Variants in TBC1D5 observed in about 807,000 individuals in gnomAD.
The protein encoded by TBC1D5 is TBC1 domain family, member 5.
A neutral mutation model predicts 100.3 loss-of-function variants in TBC1D5; 75 were observed. The ratio of observed to expected loss-of-function variants is 0.75; its 90% confidence interval spans 0.62 to 0.91. The LOEUF (loss-of-function observed/expected upper bound fraction) is 0.91. Ranked by LOEUF, TBC1D5 falls within the 40% of genes least tolerant of loss-of-function variation. The probability of loss-of-function intolerance (pLI) is 0.00; values close to 1 mark genes in which losing one functional copy is unlikely to be tolerated. For missense variants in TBC1D5, 910 were observed against 942.4 expected (o/e 0.97, Z 0.45); for synonymous variants, 323 against 325.6 (o/e 0.99, Z 0.09).
chr3:17,301,043 G>A (rs987013814), intron 14 of TBC1D5, among the ~76,000 whole-genome samples: 1 of 148,510 alleles, frequency 6.7e-6, no homozygotes, highest in Non-Finnish European at 1.5e-5. Flanking sequence ...CACTCAGTCT[G>A]TGTAACAAGA....
intron 17 of TBC1D5, among the ~76,000 whole-genome samples, chr3:17,222,974 G>GA (rs999732187): frequency 9.9e-5 from 15 of 151,642 alleles, no homozygotes; most frequent in Admixed American, 8.5e-4. Flanking sequence ...CTTCCAAAAT[G>GA]AAAAAAACCA....
At position 17,704,553 on chromosome 3, in the gene TBC1D5, G is replaced by T. The variant is rs1577642775; in HGVS notation, c.-101+34790C>A. Among the ~76,000 whole-genome samples the T allele has an allele frequency of 2.7e-5, 2 of 74,908 alleles. 1 individual carries two copies. Among genetic ancestry groups the T allele is most frequent in the Non-Finnish European group, 5.4e-5 (2 of 37,282 alleles). The allele number at this position is 74,908 out of a possible 152,430, so 49.1% of individuals were successfully genotyped here. ...GGGGCGGCTGGCCGGGCGGGGGGCC[G>T]ACCCCCCCCACCTCCCTCCCGGACG... On this transcript the variant is annotated intron_variant, in intron 1 of 21. Transcript: ENST00000253692.
chr3:17,307,831 G>C (rs1305207012), intron 14 of TBC1D5, among the ~76,000 whole-genome samples, 161 bp downstream of exon 14: 5 of 152,106 alleles, frequency 3.3e-5, no homozygotes, highest in African/African-American at 1.2e-4. Context: ...CAACAAAAGG[G>C]ATGTTTAGTA....
intron 12 of TBC1D5, among the ~76,000 whole-genome samples, chr3:17,372,898 T>C (rs1401007657): frequency 6.6e-6 from 1 of 152,190 alleles, no homozygotes; most frequent in African/African-American, 2.4e-5. Flanking sequence ...TCACCTAGTG[T>C]AGGGGTCAGC....
chr3:17,402,650 G>A (rs186469229), intron 8 of TBC1D5, among the ~76,000 whole-genome samples: 1 of 152,168 alleles, frequency 6.6e-6, no homozygotes, highest in African/African-American at 2.4e-5. Context: ...TGACTCAGTC[G>A]AATATATCAA....
intron 13 of TBC1D5, among the ~76,000 whole-genome samples, chr3:17,308,542 C>A (rs1300196731): frequency 6.6e-6 from 1 of 152,116 alleles, no homozygotes; most frequent in Admixed American, 6.5e-5. Context: ...AATTGCCCTT[C>A]TGCAAATATT....
chr3:17,692,393 A>G (rs1247286294), intron 1 of TBC1D5, among the ~76,000 whole-genome samples: 2 of 152,194 alleles, frequency 1.3e-5, no homozygotes, highest in East Asian at 1.9e-4. Flanking sequence ...CACCCAGCCT[A>G]AAATTTTTAA....
chr3:17,269,932 TG>T (rs2079220429), intron 15 of TBC1D5, among the ~76,000 whole-genome samples: 1 of 152,182 alleles, frequency 6.6e-6, no homozygotes, highest in Non-Finnish European at 1.5e-5. Flanking sequence ...TATTTGCTGT[TG>T]TGAATAGGGC....
chr3:17,530,073 A>G (rs111411051), intron 2 of TBC1D5, among the ~76,000 whole-genome samples: 9,219 of 151,928 alleles, frequency 0.061, 543 homozygotes, highest in African/African-American at 0.15. Flanking sequence ...GTGAAATCCC[A>G]TCTCTACTAA....
intron 3 of TBC1D5, among the ~76,000 whole-genome samples, chr3:17,478,835 T>C (rs149604471): frequency 7.9e-5 from 12 of 152,276 alleles, no homozygotes; most frequent in Admixed American, 6.5e-4. Context: ...TGTAGCTTAC[T>C]GAATCTCCAG....
intron 2 of TBC1D5, chr3:17,546,921 A>G (rs2096422278): frequency 6.6e-6 from 1 of 152,234 alleles, no homozygotes; most frequent in South Asian, 2.1e-4. Flanking sequence ...GCTACTTTAT[A>G]CATAACATTC....
intron 1 of TBC1D5, among the ~76,000 whole-genome samples, chr3:17,649,619 T>C (rs943316269): frequency 6.6e-6 from 1 of 151,952 alleles, no homozygotes; most frequent in Non-Finnish European, 1.5e-5. Flanking sequence ...GTTAGAATGG[T>C]GATCATTAAA....
intron 1 of TBC1D5, among the ~76,000 whole-genome samples, chr3:17,735,389 T>C (rs1482435270): frequency 6.6e-6 from 1 of 152,140 alleles, no homozygotes; most frequent in Non-Finnish European, 1.5e-5. Flanking sequence ...AACAACAAAA[T>C]AGCTGAATCC....
chr3:17,518,042 CAGATGCAT>C (rs1301126273), intron 2 of TBC1D5, among the ~76,000 whole-genome samples: 2 of 152,124 alleles, frequency 1.3e-5, no homozygotes, highest in Non-Finnish European at 2.9e-5. Context: ...CATAAGACAG[CAGATGCAT>C]TACTTGTTAC....
At chr3:17,463,612 A>T (rs1432712736) in intron 3 of TBC1D5, among the ~76,000 whole-genome samples, 1 of 152,228 alleles carries the variant, frequency 6.6e-6, no homozygotes. Flanking sequence ...AAACTGAATG[A>T]TTCCAAAAGA....
intron 3 of TBC1D5, among the ~76,000 whole-genome samples, chr3:17,458,343 A>G (rs946327680): frequency 2.0e-5 from 3 of 152,170 alleles, no homozygotes; most frequent in Admixed American, 2.0e-4. Flanking sequence ...GACAAAATAT[A>G]GCTTTGTTCC....
At chr3:17,469,815 G>A (rs1158032121) in intron 3 of TBC1D5, among the ~76,000 whole-genome samples, 1 of 152,214 alleles carries the variant, frequency 6.6e-6, no homozygotes, top group African/African-American at 2.4e-5. Context: ...GTGGCCTAAT[G>A]TCAATGAATT....
intron 1 of TBC1D5, among the ~76,000 whole-genome samples, chr3:17,687,659 T>C (rs1476598647): frequency 6.6e-6 from 1 of 152,190 alleles, no homozygotes; most frequent in Non-Finnish European, 1.5e-5. Context: ...TCACCTCATA[T>C]TCCAAGAAGG....
At chr3:17,655,404 T>C (rs1372385066) in intron 1 of TBC1D5, among the ~76,000 whole-genome samples, 4 of 151,766 alleles carry the variant, frequency 2.6e-5, no homozygotes, top group Admixed American at 1.3e-4. Flanking sequence ...CATGTATACA[T>C]ATGTAACTAA....
Sources: gnomAD v4.1 joint callset for allele counts (sites outside exome capture counted in the v4.1 genomes callset) on GRCh38, gnomAD v4.1.1 for gene constraint, MANE v1.5 for transcripts, NCBI Gene and HGNC (gene_info 2026-07-23, HGNC 2026-07-21) for gene names.